MAP2K2: variants seen among roughly 807,000 people sequenced by gnomAD.
The protein encoded by MAP2K2 is dual specificity mitogen-activated protein kinase kinase 2.
A neutral mutation model predicts 43.7 loss-of-function variants in MAP2K2; 24 were observed. That is an observed-to-expected ratio of 0.55 (90% CI 0.40 to 0.77). The LOEUF (loss-of-function observed/expected upper bound fraction) is 0.77, where lower values mean the gene tolerates loss of function less well. MAP2K2 is among the 30% of genes least tolerant of loss of function. MAP2K2 has a pLI of 0.00. For missense variants in MAP2K2, 470 were observed against 566.8 expected, an observed-to-expected ratio of 0.83 and a Z score of 1.73; for synonymous variants, 244 against 239.7, an observed-to-expected ratio of 1.02 and a Z score of -0.17.
At chr19:4,098,827 G>A (rs2040958301) in intron 7 of MAP2K2, among the ~76,000 whole-genome samples, 1 of 152,264 alleles carries the variant, frequency 6.6e-6, no homozygotes, top group African/African-American at 2.4e-5. Context: ...GCACAGGAGC[G>A]TGTCACCTGC....
chr19:4,123,206 T>C (rs1409774911), intron 1 of MAP2K2, among the ~76,000 whole-genome samples: 3 of 151,782 alleles, frequency 2.0e-5, no homozygotes, highest in East Asian at 2.0e-4. Context: ...ATCTCACTGC[T>C]TGGGGAGCCT....
At chr19:4,096,468 G>A (rs1398209946) in intron 8 of MAP2K2, among the ~76,000 whole-genome samples, 4 of 152,216 alleles carry the variant, frequency 2.6e-5, no homozygotes, top group Admixed American at 2.6e-4. Context: ...ACCTTGGGGT[G>A]CAGTCCTGTG....
chr19:4,110,747 G>A (rs1329767953), intron 2 of MAP2K2, 92 bp from the exon 3 acceptor site: 1 of 1,444,904 alleles, frequency 6.9e-7, no homozygotes, highest in Non-Finnish European at 9.4e-7. Flanking sequence ...GTTCCCAACA[G>A]TGGTCAAGAC....
At chr19:4,114,861 T>C (rs756872784) in intron 2 of MAP2K2, among the ~76,000 whole-genome samples, 125 of 152,080 alleles carry the variant, frequency 8.2e-4, no homozygotes, top group Admixed American at 1.4e-3. Context: ...ACCTGTGAGG[T>C]GGAGGTTGCA....
intron 2 of MAP2K2, among the ~76,000 whole-genome samples, chr19:4,116,783 A>C (rs1333168450): frequency 1.3e-5 from 2 of 151,616 alleles, no homozygotes; most frequent in African/African-American, 4.8e-5. Context: ...CAAAAAAATG[A>C]GCTGGGCCTG....
At chr19:4,092,622 CCT>C (rs1327766350) in intron 10 of MAP2K2, among the ~76,000 whole-genome samples, 1 of 152,052 alleles carries the variant, frequency 6.6e-6, no homozygotes, top group East Asian at 1.9e-4. Context: ...CATTAGTACC[CCT>C]CTCTTTTTAG....
At chr19:4,102,681 C>T in intron 3 of MAP2K2, 1 of 1,093,590 alleles carries the variant, frequency 9.1e-7, no homozygotes, top group Non-Finnish European at 1.3e-6. Context: ...GGTTCCCCCG[C>T]CTCCCGTCCC....
intron 2 of MAP2K2, among the ~76,000 whole-genome samples, chr19:4,110,863 C>T (rs919120947): frequency 1.3e-5 from 2 of 152,194 alleles, no homozygotes; most frequent in Non-Finnish European, 2.9e-5. Context: ...GCACGACTCA[C>T]AGCAGGCAAG....
chr19:4,107,712 C>G (rs570320819), intron 3 of MAP2K2, among the ~76,000 whole-genome samples: 40 of 151,356 alleles, frequency 2.6e-4, no homozygotes, highest in African/African-American at 9.3e-4. Flanking sequence ...GTACCCCCTA[C>G]CCCCCACAAA....
chr19:4,118,327 T>C (rs888215423), intron 1 of MAP2K2, among the ~76,000 whole-genome samples: 1 of 133,454 alleles, frequency 7.5e-6, no homozygotes, highest in African/African-American at 2.8e-5. Flanking sequence ...CGGGCCAAGA[T>C]GTCTGTCTTT....
intron 6 of MAP2K2, 66 bp from the exon 7 acceptor site, chr19:4,099,480 T>G: frequency 1.5e-6 from 2 of 1,347,888 alleles, no homozygotes; most frequent in Non-Finnish European, 2.1e-6. Context: ...CCGGGAGGCT[T>G]GCCCCGTTAC....
intron 2 of MAP2K2, among the ~76,000 whole-genome samples, chr19:4,114,209 G>A (rs551595201): frequency 3.3e-5 from 5 of 152,294 alleles, no homozygotes; most frequent in African/African-American, 9.6e-5. Flanking sequence ...GCTCAGCCCC[G>A]GCAGCTGCTC....
intron 1 of MAP2K2, among the ~76,000 whole-genome samples, chr19:4,119,596 AAATG>A (rs1168408176): frequency 6.6e-6 from 1 of 152,246 alleles, no homozygotes; most frequent in African/African-American, 2.4e-5. Context: ...CCAGTATGAA[AAATG>A]AATGAATGTT....
At chr19:4,106,493 C>G (rs2041087104) in intron 3 of MAP2K2, among the ~76,000 whole-genome samples, 1 of 152,222 alleles carries the variant, frequency 6.6e-6, no homozygotes, top group Non-Finnish European at 1.5e-5. Context: ...ACTGCAACCT[C>G]CGCCTCCCGG....
intron 3 of MAP2K2, 35 bp from the exon 4 acceptor site, chr19:4,102,488 C>T (rs748776010): frequency 9.3e-6 from 14 of 1,500,498 alleles, no homozygotes; most frequent in Admixed American, 3.7e-5. Context: ...GCAGGCTCTG[C>T]GCAGGTGGCC....
intron 1 of MAP2K2, 84 bp downstream of exon 1, chr19:4,123,700 A>G: frequency 1.4e-6 from 1 of 734,092 alleles, no homozygotes; most frequent in Non-Finnish European, 1.8e-6. Context: ...ACTCCTCGCG[A>G]ACCCCCGTCC....
intron 3 of MAP2K2, among the ~76,000 whole-genome samples, chr19:4,109,863 T>C (rs1273462190): frequency 6.6e-6 from 1 of 152,038 alleles, no homozygotes; most frequent in Non-Finnish European, 1.5e-5. Flanking sequence ...TGCGAGTCAG[T>C]GCCATGTTAT....
intron 10 of MAP2K2, among the ~76,000 whole-genome samples, chr19:4,091,811 G>A (rs186177581): frequency 9.2e-5 from 14 of 152,214 alleles, no homozygotes; most frequent in South Asian, 2.1e-4. Flanking sequence ...ACCATGCCCA[G>A]CTAATTTTTG....
At chr19:4,095,086 G>C in intron 9 of MAP2K2, 1 of 398,090 alleles carries the variant, frequency 2.5e-6, no homozygotes, top group South Asian at 3.2e-5. Flanking sequence ...CAGCACACCA[G>C]GGGTCCGGGG....
Sources: gnomAD v4.1 joint callset for allele counts (sites outside exome capture counted in the v4.1 genomes callset) on GRCh38, gnomAD v4.1.1 for gene constraint, MANE v1.5 for transcripts, NCBI Gene and HGNC (gene_info 2026-07-23, HGNC 2026-07-21) for gene names.